The following SHOX2 variants were observed in gnomAD, a reference collection of about 807,000 sequenced individuals.
The protein encoded by SHOX2 is SHOX homeobox 2.
In SHOX2, 13 loss-of-function variants were observed where a neutral mutation model predicts 31.3. That is an observed-to-expected ratio of 0.42 (90% CI 0.27 to 0.66). The LOEUF (loss-of-function observed/expected upper bound fraction) is 0.66. SHOX2 is among the 30% of genes least tolerant of loss of function. SHOX2 has a pLI of 0.27. For synonymous variants in SHOX2, 244 were observed against 196.2 expected (o/e 1.24, Z -2.04); for missense variants, 473 against 443.0 (o/e 1.07, Z -0.61).
chr3:158,097,881 T>G lies in SHOX2; in HGVS notation c.*146A>C, dbSNP rs1713220762. On this transcript the variant is annotated 3_prime_UTR_variant, in exon 5 of 5. Coordinates refer to ENST00000483851, the MANE Select transcript of SHOX2 (RefSeq NM_001163678.2). ...GGAGTCTGGCTTTCCGAGTCCAAGA[T>G]GCGATAGGGGACGAGGGATGGTCAG... The G allele has an allele frequency of 3.8e-6, 4 of 1,063,346 alleles. No homozygotes were observed. In the African/African-American group the frequency reaches 4.8e-5, roughly 13 times the overall value. 65.9% of individuals were successfully genotyped at this position (1,063,346 alleles called of 1,614,324 possible).
At position 158,099,850 on chromosome 3, in the gene SHOX2, C is replaced by T. The variant is rs1458115569; in HGVS notation, c.702+10G>A. On this transcript the variant is annotated intron_variant, in intron 4 of 4. Coordinates refer to ENST00000483851, the MANE Select transcript of SHOX2 (RefSeq NM_001163678.2). ...TATTTAAAAACAGCTTGAAACTAGGCTGTACTTGCCTGCTGAAATGGCATC... is the reference window on the plus strand; with the variant it reads ...TATTTAAAAACAGCTTGAAACTAGGTTGTACTTGCCTGCTGAAATGGCATC... 1.2e-5 allele frequency: 20 copies of T among 1,605,016 alleles called. No homozygotes were observed. The South Asian group carries it at 1.4e-4, about 11-fold the overall frequency.
Position 158,106,192 on chromosome 3 carries a change from A to G in SHOX2, c.-168T>C. Reference sequence around the variant, plus strand: ...AAGAAGAAGAAAAAGAGGAGAAGAAAGAAGAAAGAGGAGGAGAAGTAGAAG... The same window carrying G: ...AAGAAGAAGAAAAAGAGGAGAAGAAGGAAGAAAGAGGAGGAGAAGTAGAAG... On this transcript the variant is annotated 5_prime_UTR_variant, in exon 1 of 5. Transcript: ENST00000483851. The G allele has an allele frequency of 8.8e-7, 1 of 1,140,296 alleles. No homozygotes were observed. Among genetic ancestry groups the G allele is most frequent in the East Asian group, 3.1e-5 (1 of 32,394 alleles). 70.6% of individuals were successfully genotyped at this position (1,140,296 alleles called of 1,614,324 possible). A position where few individuals can be genotyped will look rare whatever the true frequency, so the allele number is the denominator to read the frequency against.
chr3:158,105,698 G>T lies in SHOX2; in HGVS notation c.327C>A (p.Gly109=). 1 of 1,522,972 alleles carries T rather than the reference G, an allele frequency of 6.6e-7. No individual in the cohort carries two copies. 94.3% of individuals were successfully genotyped at this position (1,522,972 alleles called of 1,614,324 possible). Residue 109 remains glycine (G), a synonymous_variant, in exon 1 of 5, where the codon GGC becomes GGA. Transcript: ENST00000483851. ...CGTTACCCTCCGTCAGTCGCGGGCT[G>T]CCCGGCTCCCTGCTTCTCTCGGCGG... The part of the protein sequence containing the change: ...MGAAERSREP[G]SPRLTEVSPE...
Position 158,102,753 on chromosome 3 carries a change from G to C in SHOX2, c.480C>G (p.Asp160Glu), listed in dbSNP as rs1196251037. 2 of 1,613,926 alleles carry C rather than the reference G, an allele frequency of 1.2e-6. No individual in the cohort carries two copies. Among genetic ancestry groups the C allele is most frequent in the Admixed American group, 1.7e-5 (1 of 59,992 alleles). The change falls in exon 2 of 5, where the codon GAC becomes GAG. Residue 160 changes from aspartate to glutamate, a missense_variant. Coordinates refer to ENST00000483851, the MANE Select transcript of SHOX2 (RefSeq NM_001163678.2). ...EQLNELERLF[D>E]ETHYPDAFMR... ...TGAAGGCGTCGGGATAGTGGGTCTC[G>C]TCAAAAAGCCTCTCCAGCTCATTGA... is the stretch of plus-strand genomic sequence containing the variant.
At chr3:158,103,094 T>C in intron 1 of SHOX2, 1 of 613,912 alleles carries the variant, frequency 1.6e-6, no homozygotes, top group East Asian at 2.8e-5. Context: ...AAAGGTCAAG[T>C]CTGAGCGGCC....
intron 4 of SHOX2, 47 bp from the exon 5 acceptor site, chr3:158,098,331 A>G (rs776320424): frequency 6.3e-7 from 1 of 1,597,080 alleles, no homozygotes; most frequent in Non-Finnish European, 8.5e-7. Context: ...CTAGGGTGAC[A>G]ACAGAATAGA....
At chr3:158,100,944 T>C (rs1430840543) in intron 2 of SHOX2, among the ~76,000 whole-genome samples, 1 of 152,034 alleles carries the variant, frequency 6.6e-6, no homozygotes, top group African/African-American at 2.4e-5. Context: ...ATCTAGAAAA[T>C]AACTAAAATG....
Position 158,096,113 on chromosome 3 carries a change from G to A in SHOX2, c.*1914C>T, listed in dbSNP as rs1351460008. On this transcript the variant is annotated 3_prime_UTR_variant, in exon 5 of 5. Transcript: ENST00000483851. Reference sequence around the variant, plus strand: ...AACAGAATTGGAGGCGACACATTTTGTACTGACAACACGTCATGAGATAAC... The same window carrying A: ...AACAGAATTGGAGGCGACACATTTTATACTGACAACACGTCATGAGATAAC... 1 of 152,612 alleles carries A rather than the reference G, an allele frequency of 6.6e-6. No homozygotes were observed. Among genetic ancestry groups the A allele is most frequent in the African/African-American group, 2.4e-5 (1 of 41,434 alleles). 9.5% of individuals were successfully genotyped at this position (152,612 alleles called of 1,614,324 possible). A position where few individuals can be genotyped will look rare whatever the true frequency, so the allele number is the denominator to read the frequency against.
chr3:158,103,137 T>C, intron 1 of SHOX2: 1 of 564,200 alleles, frequency 1.8e-6, no homozygotes, highest in Non-Finnish European at 3.2e-6. Flanking sequence ...ATCCACCACC[T>C]CCTTCACAAA....
Position 158,100,019 on chromosome 3 carries a change from C to G in SHOX2, c.614-71G>C, listed in dbSNP as rs545182833. ...GCATTTTTCAGGGTTCCAAAGGGTA[C>G]AAGACAGAACGAATTCCTTTGAAAA... On this transcript the variant is annotated intron_variant, in intron 3 of 4. Coordinates refer to ENST00000483851, the MANE Select transcript of SHOX2 (RefSeq NM_001163678.2). 2.4e-6 allele frequency: 3 copies of G among 1,276,384 alleles called. No homozygotes were observed. In the Admixed American group the frequency reaches 5.7e-5, roughly 24 times the overall value. The allele number at this position is 1,276,384 out of a possible 1,614,324, so 79.1% of individuals were successfully genotyped here. A position where few individuals can be genotyped will look rare whatever the true frequency, so the allele number is the denominator to read the frequency against.
intron 1 of SHOX2, chr3:158,103,251 A>C: frequency 3.0e-6 from 1 of 332,332 alleles, no homozygotes; most frequent in Non-Finnish European, 5.8e-6. Context: ...GCTCCGCAGC[A>C]CTCACAGAAA....
intron 1 of SHOX2, chr3:158,103,181 C>A (rs1407928735): frequency 4.1e-6 from 2 of 487,376 alleles, no homozygotes; most frequent in East Asian, 8.1e-5. Context: ...TATTCACCCC[C>A]CAGTCACCGG....
chr3:158,105,659 G>A lies in SHOX2; in HGVS notation c.346+20C>T. On this transcript the variant is annotated intron_variant, in intron 1 of 4. Transcript: ENST00000483851. Reference sequence around the variant, plus strand: ...AAGGCGGGAAGGGGAACCGCTGCCGGGGGTCAGTCAGGTCGTTACCCTCCG... The same window carrying A: ...AAGGCGGGAAGGGGAACCGCTGCCGAGGGTCAGTCAGGTCGTTACCCTCCG... 6.6e-7 allele frequency: 1 copy of A among 1,517,126 alleles called. No homozygotes were observed. Among genetic ancestry groups the A allele is most frequent in the Admixed American group, 2.1e-5 (1 of 47,064 alleles). 94.0% of individuals were successfully genotyped at this position (1,517,126 alleles called of 1,614,324 possible). A position where few individuals can be genotyped will look rare whatever the true frequency, so the allele number is the denominator to read the frequency against.
chr3:158,100,181 T>C, intron 3 of SHOX2, 73 bp downstream of exon 3: 2 of 1,274,228 alleles, frequency 1.6e-6, no homozygotes, highest in East Asian at 4.7e-5. Flanking sequence ...TTTTTTTCTG[T>C]CATTGTAATA....
intron 3 of SHOX2, 101 bp downstream of exon 3, chr3:158,100,153 T>G: frequency 9.4e-7 from 1 of 1,058,896 alleles, no homozygotes; most frequent in Non-Finnish European, 1.4e-6. Flanking sequence ...CAAGAACTAT[T>G]GTCATTTTTG....
chr3:158,098,433 C>A, intron 4 of SHOX2, 149 bp from the exon 5 acceptor site: 1 of 914,056 alleles, frequency 1.1e-6, no homozygotes, highest in Non-Finnish European at 1.7e-6. Context: ...CATCTTGTTC[C>A]GACAGTGACC....
Position 158,098,150 on chromosome 3 carries a change from C to T in SHOX2, c.837G>A (p.Ala279=), listed in dbSNP as rs766249820. ...CTACCGAGGCGGCGGAAGCCGAATCCGCGGCCAGCGTGGCGAGCGGCAGTC... is the reference window on the plus strand; with the variant it reads ...CTACCGAGGCGGCGGAAGCCGAATCTGCGGCCAGCGTGGCGAGCGGCAGTC... ...PFGLPLATLA[A]DSASAASVVA... The change falls in exon 5 of 5, where the codon GCG becomes GCA. Residue 279 remains alanine, a synonymous_variant. Transcript: ENST00000483851. 3 of 1,613,316 alleles carry T rather than the reference C, an allele frequency of 1.9e-6. No homozygotes were observed. Among genetic ancestry groups the T allele is most frequent in the Non-Finnish European group, 1.7e-6 (2 of 1,179,652 alleles).
chr3:158,102,141 G>A (rs1178663515), intron 2 of SHOX2, among the ~76,000 whole-genome samples: 1 of 152,184 alleles, frequency 6.6e-6, no homozygotes, highest in East Asian at 1.9e-4. Flanking sequence ...GAGATCGACC[G>A]CTAACAGCAG....
intron 4 of SHOX2, among the ~76,000 whole-genome samples, chr3:158,099,605 T>A (rs1383876162): frequency 6.6e-6 from 1 of 152,210 alleles, no homozygotes; most frequent in East Asian, 1.9e-4. Context: ...CAATCTTTAG[T>A]GTATTTTTAA....
Sources: gnomAD v4.1 joint callset for allele counts (sites outside exome capture counted in the v4.1 genomes callset) on GRCh38, gnomAD v4.1.1 for gene constraint, MANE v1.5 for transcripts, NCBI Gene and HGNC (gene_info 2026-07-23, HGNC 2026-07-21) for gene names.